AP1S3: variants seen among roughly 807,000 people sequenced by gnomAD.
AP1S3 encodes AP-1 complex subunit sigma-3.
A neutral mutation model predicts 20.9 loss-of-function variants in AP1S3; 10 were observed. The observed-to-expected ratio is 0.48, with a 90% confidence interval of 0.29 to 0.81. The LOEUF is 0.81. Among genes scored for constraint, AP1S3 ranks in the 30% least tolerant of loss-of-function variants. The pLI is 0.08. For synonymous variants in AP1S3, 41 were observed against 61.5 expected (o/e 0.67, Z 1.56); for missense variants, 154 against 183.8 (o/e 0.84, Z 0.94).
chr2:223,813,129 T>C (rs901647918), intron 1 of AP1S3, among the ~76,000 whole-genome samples: 10 of 151,998 alleles, frequency 6.6e-5, no homozygotes, highest in Non-Finnish European at 2.9e-5. Flanking sequence ...GTATTTTCAG[T>C]AGAGAAAAGT....
chr2:223,837,169 G>C (rs868279030), intron 1 of AP1S3, among the ~76,000 whole-genome samples: 6 of 151,352 alleles, frequency 4.0e-5, no homozygotes, highest in African/African-American at 1.2e-4. Flanking sequence ...CCAGCACCGA[G>C]CCCGGCACAG....
chr2:223,817,603 G>A (rs1461048977), intron 1 of AP1S3, among the ~76,000 whole-genome samples: 15 of 89,272 alleles, frequency 1.7e-4, no homozygotes, highest in African/African-American at 4.6e-4. Context: ...GACAGACTCC[G>A]TCTCAAAAAA....
At chr2:223,807,877 T>C (rs935979615) in intron 1 of AP1S3, among the ~76,000 whole-genome samples, 1 of 127,620 alleles carries the variant, frequency 7.8e-6, no homozygotes, top group Non-Finnish European at 1.7e-5. Flanking sequence ...CTTTTTTTTT[T>C]TTTTTTTTTT....
chr2:223,821,322 AT>A, intron 1 of AP1S3, among the ~76,000 whole-genome samples: 1 of 151,376 alleles, frequency 6.6e-6, no homozygotes, highest in East Asian at 1.9e-4. Context: ...CACCCAGCTA[AT>A]TTTTTGTATT....
intron 3 of AP1S3, among the ~76,000 whole-genome samples, chr2:223,773,677 T>C (rs1049494632): frequency 1.1e-4 from 16 of 151,990 alleles, no homozygotes; most frequent in Non-Finnish European, 5.9e-5. Context: ...TTGCAACAAA[T>C]CTGATAAAAC....
chr2:223,819,147 A>G (rs1574725533), intron 1 of AP1S3, among the ~76,000 whole-genome samples: 1 of 152,144 alleles, frequency 6.6e-6, no homozygotes, highest in East Asian at 1.9e-4. Flanking sequence ...CCATCTCCCT[A>G]CATGAAAGTA....
At chr2:223,806,277 A>ATT (rs144953846) in intron 1 of AP1S3, among the ~76,000 whole-genome samples, 6,474 of 110,786 alleles carry the variant, frequency 0.058, 241 homozygotes, top group East Asian at 0.11. Flanking sequence ...AAACAAAGGA[A>ATT]TTTTTTTTTT....
Position 223,765,297 on chromosome 2 carries a change from G to C in AP1S3, c.345C>G (p.Asp115Glu). 3 of 1,613,818 alleles carry C rather than the reference G, an allele frequency of 1.9e-6. No homozygotes were observed. The South Asian group carries it at 3.3e-5, about 18-fold the overall frequency. The change falls in exon 4 of 5, where the codon GAC (aspartate) becomes GAG (glutamate). Residue 115 changes from aspartate (D) to glutamate (E), a missense_variant. Transcript: ENST00000396654. ...FNFEKAYFIL[D>E]EFIIGGEIQE... The stretch of plus-strand genomic sequence containing the variant: ...GAATTTCCCCACCTATTATAAACTC[G>C]TCCAGGATGAAATAAGCCTTTTCAA...
chr2:223,784,921 T>C (rs899510645), intron 1 of AP1S3, among the ~76,000 whole-genome samples: 1 of 152,190 alleles, frequency 6.6e-6, no homozygotes, highest in African/African-American at 2.4e-5. Context: ...GCATTAGATG[T>C]TTACTACAGT....
chr2:223,761,477 T>G (rs1338993252), intron 4 of AP1S3, among the ~76,000 whole-genome samples: 1 of 152,110 alleles, frequency 6.6e-6, no homozygotes, highest in Non-Finnish European at 1.5e-5. Flanking sequence ...CAGGCTGAAG[T>G]GCAGTGGTGC....
intron 1 of AP1S3, among the ~76,000 whole-genome samples, chr2:223,806,862 G>A (rs1016400937): frequency 6.6e-6 from 1 of 151,978 alleles, no homozygotes; most frequent in South Asian, 2.1e-4. Context: ...GGCTCTCCCA[G>A]AGCATAATTT....
chr2:223,760,170 G>T (rs1184572930), intron 4 of AP1S3, among the ~76,000 whole-genome samples: 1 of 152,018 alleles, frequency 6.6e-6, no homozygotes, highest in Non-Finnish European at 1.5e-5. Context: ...TCACACCAGG[G>T]CCCCAAGTTG....
chr2:223,816,299 G>C (rs1455433862), intron 1 of AP1S3, among the ~76,000 whole-genome samples: 1 of 151,578 alleles, frequency 6.6e-6, no homozygotes, highest in Non-Finnish European at 1.5e-5. Context: ...CGCTATGACA[G>C]ATAGTGGGCA....
chr2:223,801,555 G>A (rs532328476), intron 1 of AP1S3, among the ~76,000 whole-genome samples: 2 of 151,948 alleles, frequency 1.3e-5, no homozygotes, highest in African/African-American at 2.4e-5. Flanking sequence ...AGCAATTCTC[G>A]TGCCTCAGCC....
chr2:223,771,812 T>C (rs1690634217), intron 3 of AP1S3, among the ~76,000 whole-genome samples: 1 of 152,092 alleles, frequency 6.6e-6, no homozygotes, highest in Non-Finnish European at 1.5e-5. Context: ...AAGCTATATA[T>C]AAAATAAGAA....
At chr2:223,804,372 C>T (rs1241380417) in intron 1 of AP1S3, among the ~76,000 whole-genome samples, 2 of 152,040 alleles carry the variant, frequency 1.3e-5, no homozygotes, top group East Asian at 3.9e-4. Flanking sequence ...TCTAGTTTTC[C>T]AGGTCATTGA....
Position 223,757,667 on chromosome 2 carries a change from G to A in AP1S3, c.*1048C>T. 1.0e-6 allele frequency: 1 copy of A among 985,340 alleles called. No individual in the cohort carries two copies. The highest frequency in any genetic ancestry group is 1.2e-6 in the Non-Finnish European group (1 of 829,914). The allele number at this position is 985,340 out of a possible 1,614,324, so 61.0% of individuals were successfully genotyped here. Reference sequence around the variant, plus strand: ...AATTTTCATTCCAGGAAGCACAAATGTGATATACTTACAGTAATAATGGTC... The same window carrying A: ...AATTTTCATTCCAGGAAGCACAAATATGATATACTTACAGTAATAATGGTC... On this transcript the variant is annotated 3_prime_UTR_variant, in exon 5 of 5. Coordinates refer to ENST00000396654, the MANE Select transcript of AP1S3 (RefSeq NM_001039569.2).
At position 223,758,394 on chromosome 2, in the gene AP1S3, A is replaced by T; in HGVS notation, c.*321T>A. 9.4e-7 allele frequency: 1 copy of T among 1,062,050 alleles called. No individual in the cohort carries two copies. The highest frequency in any genetic ancestry group is 1.1e-6 in the Non-Finnish European group (1 of 880,508). 65.8% of individuals were successfully genotyped at this position (1,062,050 alleles called of 1,614,324 possible). On this transcript the variant is annotated 3_prime_UTR_variant, in exon 5 of 5. Coordinates refer to ENST00000396654, the MANE Select transcript of AP1S3 (RefSeq NM_001039569.2). ...TCAAATGCAAAAAAAATTGCAGCTA[A>T]TGTATCTAAACCAGCTTAAAAACAT...
intron 1 of AP1S3, among the ~76,000 whole-genome samples, chr2:223,808,658 C>T (rs1691639168): frequency 6.6e-6 from 1 of 152,184 alleles, no homozygotes; most frequent in African/African-American, 2.4e-5. Context: ...ACTAAATTTC[C>T]TTATAAATAC....
Sources: gnomAD v4.1 joint callset for allele counts (sites outside exome capture counted in the v4.1 genomes callset) on GRCh38, gnomAD v4.1.1 for gene constraint, MANE v1.5 for transcripts, NCBI Gene and HGNC (gene_info 2026-07-23, HGNC 2026-07-21) for gene names.